The following ZNF573 variants were observed in gnomAD, a reference collection of about 807,000 sequenced individuals.
ZNF573 encodes the protein zinc finger protein 573.
A neutral mutation model predicts 57.4 loss-of-function variants in ZNF573; 41 were observed. That is an observed-to-expected ratio of 0.71 (90% CI 0.56 to 0.93). The LOEUF is 0.93. Among genes scored for constraint, ZNF573 ranks in the 40% least tolerant of loss-of-function variants. ZNF573 has a pLI of 0.00. For missense variants in ZNF573, 730 were observed against 794.8 expected (o/e 0.92, Z 0.98); for synonymous variants, 249 against 261.0 (o/e 0.95, Z 0.44).
intron 4 of ZNF573, among the ~76,000 whole-genome samples, chr19:37,766,815 CAATAA>C (rs2045605534): frequency 1.3e-5 from 2 of 152,052 alleles, no homozygotes; most frequent in Admixed American, 6.6e-5. Context: ...AGTTGTCTTG[CAATAA>C]AATAAATAAA....
At chr19:37,746,795 G>C (rs2045387478) in intron 4 of ZNF573, among the ~76,000 whole-genome samples, 1 of 152,154 alleles carries the variant, frequency 6.6e-6, no homozygotes, top group Non-Finnish European at 1.5e-5. Flanking sequence ...TGTTGGCCAG[G>C]CTGGTCTTAA....
intron 4 of ZNF573, among the ~76,000 whole-genome samples, chr19:37,759,751 A>AAATG (rs2045533420): frequency 6.6e-6 from 1 of 152,074 alleles, no homozygotes; most frequent in African/African-American, 2.4e-5. Flanking sequence ...ATAAATAAAT[A>AAATG]AATAAAAATG....
intron 4 of ZNF573, among the ~76,000 whole-genome samples, chr19:37,750,338 C>T (rs2045421685): frequency 6.6e-6 from 1 of 152,308 alleles, no homozygotes; most frequent in Admixed American, 6.5e-5. Context: ...CCGGCCTAGG[C>T]CTCCCAAAGT....
At chr19:37,748,865 T>C (rs957890070) in intron 4 of ZNF573, among the ~76,000 whole-genome samples, 35 of 145,926 alleles carry the variant, frequency 2.4e-4, no homozygotes, top group African/African-American at 8.7e-4. Flanking sequence ...AGGCAGAGGT[T>C]GCAGTGAGCC....
Position 37,770,164 on chromosome 19 carries a change from T to C in ZNF573, c.203-67A>G. 5 of 1,264,012 alleles carry C rather than the reference T, an allele frequency of 4.0e-6. No individual in the cohort carries two copies. In the Middle Eastern group the frequency reaches 5.9e-4, roughly 149 times the overall value. The allele number at this position is 1,264,012 out of a possible 1,614,324, so 78.3% of individuals were successfully genotyped here. ...AAAAGTAACAGAAACCTTTGAGCTT[T>C]GATTAAATTTACAATGAACTAAGGA... On this transcript the variant is annotated intron_variant, in intron 3 of 4. Transcript: ENST00000536220.
chr19:37,765,896 C>T lies in ZNF573; in HGVS notation c.295+4109G>A, dbSNP rs140888133. Among the ~76,000 whole-genome samples the T allele has an allele frequency of 6.6e-4, 98 of 148,862 alleles. 3 individuals carry two copies. In the East Asian group the frequency reaches 0.018, roughly 28 times the overall value. The stretch of plus-strand genomic sequence containing the variant: ...CTCTACTAAAAATATAAAAATTAGC[C>T]GAGCATGGTGGTGCATGCCTGTAAT... On this transcript the variant is annotated intron_variant, in intron 4 of 4. Coordinates refer to ENST00000536220, the MANE Select transcript of ZNF573 (RefSeq NM_001172690.2).
intron 1 of ZNF573, among the ~76,000 whole-genome samples, chr19:37,774,090 G>C (rs1393698241): frequency 6.6e-6 from 1 of 150,744 alleles, no homozygotes; most frequent in Non-Finnish European, 1.5e-5. Context: ...CACCTTCCAA[G>C]GCTGAGAGAG....
At chr19:37,769,284 T>C (rs534129504) in intron 4 of ZNF573, among the ~76,000 whole-genome samples, 1 of 152,170 alleles carries the variant, frequency 6.6e-6, no homozygotes, top group Admixed American at 6.5e-5. Flanking sequence ...TTTATTTTTA[T>C]GTGTTCTTTA....
At chr19:37,760,933 C>T (rs2045546303) in intron 4 of ZNF573, among the ~76,000 whole-genome samples, 1 of 152,080 alleles carries the variant, frequency 6.6e-6, no homozygotes, top group African/African-American at 2.4e-5. Context: ...CGCAGTGGCT[C>T]ACGCCTGTAA....
chr19:37,742,740 G>A (rs2145277696), intron 4 of ZNF573, among the ~76,000 whole-genome samples: 1 of 152,206 alleles, frequency 6.6e-6, no homozygotes, highest in Non-Finnish European at 1.5e-5. Flanking sequence ...GAAAACCTAG[G>A]CAATGCCATT....
At chr19:37,765,836 T>C (rs2045597069) in intron 4 of ZNF573, among the ~76,000 whole-genome samples, 3 of 152,020 alleles carry the variant, frequency 2.0e-5, no homozygotes, top group Non-Finnish European at 4.4e-5. Context: ...GTCAGGAGTT[T>C]GAGACCAGCC....
intron 4 of ZNF573, among the ~76,000 whole-genome samples, chr19:37,765,352 C>T (rs916070372): frequency 2.0e-4 from 31 of 152,154 alleles, no homozygotes; most frequent in Non-Finnish European, 2.9e-5. Context: ...AGGCTTGGTA[C>T]AGGAAACGTA....
chr19:37,738,580 G>T lies in ZNF573; in HGVS notation c.1910C>A (p.Pro637His). The part of the protein sequence containing the change: ...QHERIHTGEK[P>H]YVCKQCGKTF... ...TTTCCCACACTGCTTACACACATAG[G>T]GTTTCTCACCAGTATGAATTCTCTC... Residue 637 changes from proline (P) to histidine (H), a missense_variant, in exon 5 of 5, where the codon CCC becomes CAC. By Grantham distance (77) the Pro-to-His change is moderately conservative (BLOSUM62 -2). Coordinates refer to ENST00000536220, the MANE Select transcript of ZNF573 (RefSeq NM_001172690.2). The T allele has an allele frequency of 6.2e-7, 1 of 1,606,910 alleles. No homozygotes were observed. The highest frequency in any genetic ancestry group is 1.1e-5 in the South Asian group (1 of 89,726).
intron 4 of ZNF573, among the ~76,000 whole-genome samples, chr19:37,743,079 G>C (rs2145278278): frequency 6.6e-6 from 1 of 152,296 alleles, no homozygotes; most frequent in African/African-American, 2.4e-5. Flanking sequence ...AGCACTTTGG[G>C]AGGCCAAGGC....
At chr19:37,743,540 G>A (rs1346994150) in intron 4 of ZNF573, among the ~76,000 whole-genome samples, 3 of 152,144 alleles carry the variant, frequency 2.0e-5, no homozygotes, top group African/African-American at 7.2e-5. Context: ...TACTGTTGGT[G>A]GGAATGTAAA....
chr19:37,770,091 T>G lies in ZNF573; in HGVS notation c.209A>C (p.His70Pro), dbSNP rs982892786. 3.2e-6 allele frequency: 5 copies of G among 1,548,592 alleles called. No individual in the cohort carries two copies. In the African/African-American group the frequency reaches 5.5e-5, roughly 17 times the overall value. The change falls in exon 4 of 5, where the codon CAT becomes CCT. Residue 70 changes from histidine to proline, a missense_variant. Physicochemically the swap from His to Pro is moderately conservative, Grantham distance 77. Transcript: ENST00000536220. ...NYRNLVSLGGHSISKPVVVDL... is the reference protein window; with the variant it reads ...NYRNLVSLGGPSISKPVVVDL... ...AACCACAACTGGTTTAGAAATGGAA[T>G]GTCCTCCTTATAAGAAAAGAAATGC...
At chr19:37,758,200 AAAATATATATATATATATATATATATAT>A (rs2045510190) in intron 4 of ZNF573, among the ~76,000 whole-genome samples, 2 of 13,974 alleles carry the variant, frequency 1.4e-4, no homozygotes, top group Non-Finnish European at 6.8e-4. Flanking sequence ...AAAGTATAAT[AAAATATATATATATATATATATATATAT>A]ATATATATAT....
chr19:37,759,677 A>G (rs1050044605), intron 4 of ZNF573, among the ~76,000 whole-genome samples: 3 of 152,066 alleles, frequency 2.0e-5, no homozygotes, highest in African/African-American at 7.2e-5. Context: ...GCAGTGAGCC[A>G]AGATCGCGCC....
At chr19:37,747,782 G>C (rs988335970) in intron 4 of ZNF573, among the ~76,000 whole-genome samples, 2 of 151,864 alleles carry the variant, frequency 1.3e-5, no homozygotes, top group African/African-American at 4.8e-5. Flanking sequence ...CTGCCTCCCA[G>C]ATTCACGCCA....
Sources: gnomAD v4.1 joint callset for allele counts (sites outside exome capture counted in the v4.1 genomes callset) on GRCh38, gnomAD v4.1.1 for gene constraint, MANE v1.5 for transcripts, NCBI Gene and HGNC (gene_info 2026-07-23, HGNC 2026-07-21) for gene names.